The following MEIOB variants were observed in gnomAD, a reference collection of about 807,000 sequenced individuals.
The protein encoded by MEIOB is meiosis specific with OB-fold, also known as meiosis-specific with OB domain-containing protein.
In MEIOB, 50 loss-of-function variants were observed where a neutral mutation model predicts 53.1. That is an observed-to-expected ratio of 0.94 (90% CI 0.75 to 1.19). The LOEUF (loss-of-function observed/expected upper bound fraction) is 1.19. Ranked by LOEUF, MEIOB falls within the 50% of genes most tolerant of loss-of-function variation. The pLI, the probability that MEIOB is intolerant of heterozygous loss-of-function variation, is 0.00. For synonymous variants in MEIOB, 192 were observed against 182.5 expected (o/e 1.05, Z -0.42); for missense variants, 551 against 550.8 (o/e 1.00, Z 0.00).
chr16:1,847,085 G>A (rs1191933364), intron 9 of MEIOB, among the ~76,000 whole-genome samples: 2 of 152,102 alleles, frequency 1.3e-5, no homozygotes, highest in Non-Finnish European at 2.9e-5. Context: ...AACCCAGGAG[G>A]CAGAGACTGC....
chr16:1,856,952 T>TG, intron 6 of MEIOB, among the ~76,000 whole-genome samples: 1 of 75,234 alleles, frequency 1.3e-5, no homozygotes, highest in East Asian at 4.1e-4. Flanking sequence ...TTTGTAGAGA[T>TG]GGAGTTTCAC....
intron 9 of MEIOB, among the ~76,000 whole-genome samples, chr16:1,850,582 A>G (rs919315239): frequency 4.1e-5 from 6 of 147,630 alleles, no homozygotes; most frequent in Non-Finnish European, 6.0e-5. Flanking sequence ...TTAAAAAAAA[A>G]AAAGAATAAT....
intron 1 of MEIOB, among the ~76,000 whole-genome samples, chr16:1,869,140 T>A (rs1267197412): frequency 6.6e-6 from 1 of 152,230 alleles, no homozygotes; most frequent in Non-Finnish European, 1.5e-5. Flanking sequence ...TTTTCTTTTT[T>A]TGAGACATCA....
intron 11 of MEIOB, chr16:1,840,027 T>C (rs939781159): frequency 2.0e-5 from 3 of 152,198 alleles, no homozygotes; most frequent in African/African-American, 7.2e-5. Flanking sequence ...TGATTTATGC[T>C]ATTCCATATT....
chr16:1,864,307 C>A (rs1454029486), intron 3 of MEIOB, among the ~76,000 whole-genome samples: 1 of 152,038 alleles, frequency 6.6e-6, no homozygotes, highest in South Asian at 2.1e-4. Context: ...ACCTTTGGTA[C>A]TGCTGGAATT....
At chr16:1,869,101 A>G (rs9934984) in intron 1 of MEIOB, among the ~76,000 whole-genome samples, 19,376 of 151,994 alleles carry the variant, frequency 0.13, 1,259 homozygotes, top group East Asian at 0.16. Context: ...ATTTAGTTTT[A>G]TTTTATTTTT....
At chr16:1,857,602 T>C (rs1235232365) in intron 6 of MEIOB, 133 bp downstream of exon 6, 3 of 617,070 alleles carry the variant, frequency 4.9e-6, no homozygotes, top group Non-Finnish European at 8.3e-6. Flanking sequence ...ACTGTTTTCT[T>C]AATTCAGCAT....
At chr16:1,840,506 G>A (rs1485022451) in intron 11 of MEIOB, among the ~76,000 whole-genome samples, 1 of 151,682 alleles carries the variant, frequency 6.6e-6, no homozygotes, top group Non-Finnish European at 1.5e-5. Flanking sequence ...GTAACACTGG[G>A]GGAAACGGGG....
chr16:1,844,812 C>T (rs572601671), intron 10 of MEIOB, 50 bp downstream of exon 10: 4 of 884,354 alleles, frequency 4.5e-6, no homozygotes, highest in Admixed American at 4.1e-5. Flanking sequence ...CCTTTACAGG[C>T]CCAATTTCGG....
chr16:1,862,415 C>G (rs1899470259), intron 3 of MEIOB, among the ~76,000 whole-genome samples: 1 of 152,164 alleles, frequency 6.6e-6, no homozygotes, highest in South Asian at 2.1e-4. Context: ...AAACTTGAGC[C>G]ATCCAGGTAT....
chr16:1,854,386 G>A (rs944458031), intron 6 of MEIOB, among the ~76,000 whole-genome samples, 186 bp from the exon 7 acceptor site: 1 of 152,248 alleles, frequency 6.6e-6, no homozygotes, highest in African/African-American at 2.4e-5. Context: ...CGTAGCTGAA[G>A]TTGTAAGTCA....
Position 1,834,272 on chromosome 16 carries a change from C to A in MEIOB, c.1400G>T (p.Gly467Val). Residue 467 changes from glycine (G) to valine (V), a missense_variant, in exon 14 of 14, where the codon GGA becomes GTA. Gly to Val is a moderately radical substitution (Grantham distance 109). Coordinates refer to ENST00000325962, the MANE Select transcript of MEIOB (RefSeq NM_001163560.3). ...TAGACCGTTTTAAACATGTTTTTGT[C>A]CAGACAAGTTTCTGCTTGCCTCAGT... The part of the protein sequence containing the change: ...DPTEASRNLS[G>V]QKHV 1 of 1,601,662 alleles carries A rather than the reference C, an allele frequency of 6.2e-7. No homozygotes were observed. Among genetic ancestry groups the A allele is most frequent in the South Asian group, 1.1e-5 (1 of 90,142 alleles).
chr16:1,854,878 C>T (rs921642918), intron 6 of MEIOB, among the ~76,000 whole-genome samples: 13 of 152,042 alleles, frequency 8.6e-5, no homozygotes, highest in Non-Finnish European at 4.4e-5. Context: ...CTTCTCTCCA[C>T]CCAGTGGCTT....
rs114239900 is a variant in MEIOB, at chr16:1,867,343, C to T, written c.69+764G>A. On this transcript the variant is annotated intron_variant, in intron 2 of 13. Transcript: ENST00000325962. ...CTCAAAGAGTCAATTTTCACATCAT[C>T]ATTGTAGAAAACACACATGTTATAA... is the stretch of plus-strand genomic sequence containing the variant. Among the ~76,000 whole-genome samples, 198 of 151,986 alleles carry T rather than the reference C, an allele frequency of 1.3e-3. 1 individual carries two copies. The highest frequency in any genetic ancestry group is 4.5e-3 in the African/African-American group (186 of 41,434).
chr16:1,859,913 G>T (rs570749399), intron 5 of MEIOB, among the ~76,000 whole-genome samples: 9 of 152,122 alleles, frequency 5.9e-5, no homozygotes, highest in African/African-American at 1.2e-4. Context: ...GCTCCCTCCC[G>T]GCTCCTGCTG....
intron 10 of MEIOB, among the ~76,000 whole-genome samples, chr16:1,842,600 G>A (rs1898938560): frequency 1.3e-5 from 1 of 77,164 alleles, no homozygotes; most frequent in Non-Finnish European, 2.6e-5. Flanking sequence ...TCCAGTCTGG[G>A]CAACAAGAGC....
At chr16:1,857,312 A>C (rs1899332724) in intron 6 of MEIOB, among the ~76,000 whole-genome samples, 1 of 151,786 alleles carries the variant, frequency 6.6e-6, no homozygotes, top group African/African-American at 2.4e-5. Flanking sequence ...GTGTATTCCC[A>C]CTCCCTCCCT....
intron 5 of MEIOB, among the ~76,000 whole-genome samples, chr16:1,859,309 A>T (rs1387567371): frequency 1.3e-5 from 2 of 152,156 alleles, no homozygotes; most frequent in Admixed American, 1.3e-4. Context: ...TGGGAGGCCG[A>T]GGCGGGCGGA....
chr16:1,863,354 G>GTA (rs61075179), intron 3 of MEIOB, among the ~76,000 whole-genome samples: 111,210 of 146,306 alleles, frequency 0.76, 42,855 homozygotes, highest in Middle Eastern at 0.86. Flanking sequence ...GCTAATTTTT[G>GTA]TTTTTTGTTT....
Sources: allele counts gnomAD v4.1 joint callset (sites outside exome capture counted in the v4.1 genomes callset), GRCh38; gene constraint gnomAD v4.1.1; transcripts MANE v1.5; gene names NCBI Gene and HGNC (gene_info 2026-07-23, HGNC 2026-07-21).